Variants in AGAP1 observed in about 807,000 individuals in gnomAD.
AGAP1 encodes the protein arf-GAP with GTPase, ANK repeat and PH domain-containing protein 1.
A neutral mutation model predicts 105.3 loss-of-function variants in AGAP1; 29 were observed. That is an observed-to-expected ratio of 0.28 (90% CI 0.21 to 0.38). The LOEUF (loss-of-function observed/expected upper bound fraction) is 0.38, where lower values mean the gene tolerates loss of function less well. Ranked by LOEUF, AGAP1 falls within the 10% of genes least tolerant of loss-of-function variation. The pLI is 1.00. For synonymous variants in AGAP1, 509 were observed against 485.9 expected (o/e 1.05, Z -0.63); for missense variants, 998 against 1,165.1 (o/e 0.86, Z 2.09).
intron 1 of AGAP1, chr2:235,670,457 C>T (rs1194540948): frequency 5.6e-6 from 3 of 538,964 alleles, no homozygotes; most frequent in Non-Finnish European, 3.3e-6. Context: ...ACCCGCGGAC[C>T]TGGCCGGCAG....
At chr2:236,041,888 C>A (rs2057559660) in intron 15 of AGAP1, among the ~76,000 whole-genome samples, 1 of 152,132 alleles carries the variant, frequency 6.6e-6, no homozygotes, top group South Asian at 2.1e-4. Context: ...CAGCAGGGCT[C>A]TGGAGATGGG....
chr2:236,112,402 C>T (rs968657660), intron 16 of AGAP1, among the ~76,000 whole-genome samples: 15 of 150,178 alleles, frequency 1.0e-4, no homozygotes, highest in South Asian at 4.2e-4. Flanking sequence ...GGTGGCACAG[C>T]GACATTCCAT....
At chr2:235,767,303 G>A (rs1211463903) in intron 6 of AGAP1, among the ~76,000 whole-genome samples, 1 of 152,198 alleles carries the variant, frequency 6.6e-6, no homozygotes, top group African/African-American at 2.4e-5. Context: ...TCTGGCTTGA[G>A]TGATTGGCCA....
chr2:236,079,610 A>ATG (rs1559255210), intron 16 of AGAP1, among the ~76,000 whole-genome samples: 2 of 151,636 alleles, frequency 1.3e-5, no homozygotes, highest in African/African-American at 4.9e-5. Flanking sequence ...ACATACATAT[A>ATG]TATATAGTGA....
Position 235,900,207 on chromosome 2 carries a change from A to G in AGAP1, c.1156-8531A>G, listed in dbSNP as rs1451756221. 1.3e-5 allele frequency among the ~76,000 whole-genome samples: 2 copies of G among 152,228 alleles called. No individual in the cohort carries two copies. The highest frequency in any genetic ancestry group is 2.9e-5 in the Non-Finnish European group (2 of 68,038). On this transcript the variant is annotated intron_variant, in intron 10 of 17. Coordinates refer to ENST00000304032, the MANE Select transcript of AGAP1 (RefSeq NM_001037131.3). The surrounding 1 kb of genome is among the most constrained non-coding windows in gnomAD (Gnocchi z 5.5). ...ACCCAATAAAGCATTTACTAAGTCA[A>G]GAATATTCCACACATACTCTTCCTT...
intron 1 of AGAP1, among the ~76,000 whole-genome samples, chr2:235,686,622 T>TATATATATATATATATATATATAG (rs1353374609): frequency 2.2e-4 from 6 of 27,572 alleles, no homozygotes; most frequent in Non-Finnish European, 3.7e-4. Context: ...GAGATATAGA[T>TATATATATATATATATATATATAG]ATATATATAT....
chr2:235,500,933 A>G (rs1941535457), intron 1 of AGAP1, among the ~76,000 whole-genome samples: 1 of 152,150 alleles, frequency 6.6e-6, no homozygotes, highest in Non-Finnish European at 1.5e-5. Flanking sequence ...CAGTTTATAT[A>G]GCATTTTCGC....
rs997418240 is a variant in AGAP1, at chr2:235,877,751, C to G, written c.1051-5594C>G. ...CAGAGAAAATGACAGGTTTCCCTTG[C>G]ATCTCAAATTTGCTCAGACCGTCTG... On this transcript the variant is annotated intron_variant, in intron 9 of 17. Coordinates refer to ENST00000304032, the MANE Select transcript of AGAP1 (RefSeq NM_001037131.3). The surrounding 1 kb of genome is among the most constrained non-coding windows in gnomAD (Gnocchi z 4.3). 6.6e-6 allele frequency among the ~76,000 whole-genome samples: 1 copy of G among 152,230 alleles called. No individual in the cohort carries two copies. Among genetic ancestry groups the G allele is most frequent in the African/African-American group, 2.4e-5 (1 of 41,466 alleles).
chr2:235,796,856 A>T (rs1266951938), intron 6 of AGAP1, among the ~76,000 whole-genome samples: 4 of 152,192 alleles, frequency 2.6e-5, no homozygotes, highest in African/African-American at 9.7e-5. Context: ...TTCAAATCAA[A>T]AGTGTAGTTA....
At chr2:235,675,430 C>T (rs1948685729) in intron 1 of AGAP1, among the ~76,000 whole-genome samples, 2 of 152,136 alleles carry the variant, frequency 1.3e-5, no homozygotes, top group South Asian at 2.1e-4. Context: ...ACACCCGCCT[C>T]AGCCTCCCAA....
chr2:235,590,133 G>A (rs568588804), intron 1 of AGAP1, among the ~76,000 whole-genome samples: 45 of 152,184 alleles, frequency 3.0e-4, no homozygotes, highest in African/African-American at 8.9e-4. Flanking sequence ...TGCCCGCCTC[G>A]GCCTCCCAAA....
In AGAP1 at chr2:235,775,295, G is replaced by A. The variant is rs186099003; in HGVS notation, c.674-22464G>A. ...CCCTCAACGAAAGGAGGTTTGCATC[G>A]GTATAGCCTGTGTTTGGTGCCCTGA... On this transcript the variant is annotated intron_variant, in intron 6 of 17. Coordinates refer to ENST00000304032, the MANE Select transcript of AGAP1 (RefSeq NM_001037131.3). Among the ~76,000 whole-genome samples, 12 of 152,250 alleles carry A rather than the reference G, an allele frequency of 7.9e-5. No individual in the cohort carries two copies. The South Asian group carries it at 1.7e-3, about 21-fold the overall frequency.
rs1005332959 is a variant in AGAP1 at position 235,625,918 on chromosome 2, A to G, written c.164-83261A>G. Among the ~76,000 whole-genome samples, 1 of 152,232 alleles carries G rather than the reference A, an allele frequency of 6.6e-6. No individual in the cohort carries two copies. Among genetic ancestry groups the G allele is most frequent in the Non-Finnish European group, 1.5e-5 (1 of 68,032 alleles). ...CTCACATTTATTCTTGAAATTCCACACAGAGAAAGGTGTTTCGGGGAAGTA... is the reference window on the plus strand; with the variant it reads ...CTCACATTTATTCTTGAAATTCCACGCAGAGAAAGGTGTTTCGGGGAAGTA... On this transcript the variant is annotated intron_variant, in intron 1 of 17. Coordinates refer to ENST00000304032, the MANE Select transcript of AGAP1 (RefSeq NM_001037131.3). The surrounding 1 kb of genome is among the most constrained non-coding windows in gnomAD (Gnocchi z 4.0).
In AGAP1 at chr2:236,043,553, C is replaced by G. The variant is rs147495167; in HGVS notation, c.1891+2712C>G. ...ACCAGCCTGGCCAGCGTGGTGAAAC[C>G]CCATCTCTACTAAAAATACAAAAAT... On this transcript the variant is annotated intron_variant, in intron 15 of 17. Transcript: ENST00000304032. Among the ~76,000 whole-genome samples the G allele has an allele frequency of 8.4e-3, 1,281 of 152,150 alleles. 35 individuals are homozygous for G. Among genetic ancestry groups the G allele is most frequent in the East Asian group, 0.068 (349 of 5,142 alleles).
intron 3 of AGAP1, among the ~76,000 whole-genome samples, chr2:235,730,447 C>T (rs775650270): frequency 7.6e-5 from 11 of 143,796 alleles, no homozygotes; most frequent in Non-Finnish European, 6.0e-5. Flanking sequence ...GCACTTTCTC[C>T]AGTTTTGCAA....
In AGAP1 at chr2:235,659,060, A is replaced by C. The variant is rs1451732619; in HGVS notation, c.164-50119A>C. ...GCCCTCCATTGTTCCCGCCCTGCCA[A>C]CTTCCACGCCAGCCTCCTTTTGCAA... On this transcript the variant is annotated intron_variant, in intron 1 of 17. Transcript: ENST00000304032. The surrounding 1 kb of genome is among the most constrained non-coding windows in gnomAD (Gnocchi z 5.0). 1.3e-5 allele frequency among the ~76,000 whole-genome samples: 2 copies of C among 151,898 alleles called. No individual in the cohort carries two copies. Among genetic ancestry groups the C allele is most frequent in the Admixed American group, 6.6e-5 (1 of 15,240 alleles).
rs532907418 is a variant in AGAP1 at position 236,091,965 on chromosome 2, C to CA, written c.2115-28225dup. On this transcript the variant is annotated intron_variant, in intron 16 of 17. Coordinates refer to ENST00000304032, the MANE Select transcript of AGAP1 (RefSeq NM_001037131.3). ...AAAGGAATGAATTCTTAATACACAACAACAACTTAGGCGAATCTACAGGGA... is the reference window on the plus strand; with the variant it reads ...AAAGGAATGAATTCTTAATACACAACAAACAACTTAGGCGAATCTACAGGGA... Among the ~76,000 whole-genome samples the CA allele has an allele frequency of 3.9e-3, 600 of 152,270 alleles. 3 individuals carry two copies. The highest frequency in any genetic ancestry group is 0.013 in the South Asian group (63 of 4,824).
chr2:235,648,844 A>G (rs903874418), intron 1 of AGAP1, among the ~76,000 whole-genome samples: 7 of 151,474 alleles, frequency 4.6e-5, no homozygotes, highest in African/African-American at 1.7e-4. Context: ...CCGAGATCGC[A>G]CCACTGCACT....
chr2:235,868,481 C>T (rs1168345664), intron 9 of AGAP1, among the ~76,000 whole-genome samples: 3 of 152,066 alleles, frequency 2.0e-5, no homozygotes, highest in Non-Finnish European at 2.9e-5. Context: ...GACATGGCGC[C>T]GCCTGCGTTG....
Sources: gnomAD v4.1 joint callset for allele counts (sites outside exome capture counted in the v4.1 genomes callset) on GRCh38, gnomAD v4.1.1 for gene constraint, Gnocchi (gnomAD v3.1) non-coding constraint, MANE v1.5 for transcripts, NCBI Gene and HGNC (gene_info 2026-07-23, HGNC 2026-07-21) for gene names.